LY96: variants seen among roughly 807,000 people sequenced by gnomAD.
LY96 encodes the protein lymphocyte antigen 96, also known as myeloid differentiation protein-2.
In LY96, 18 loss-of-function variants were observed where a neutral mutation model predicts 18.9. The ratio of observed to expected loss-of-function variants is 0.95; its 90% CI spans 0.66 to 1.41. LY96 has a LOEUF of 1.41. Among genes scored for constraint, LY96 ranks in the 40% most tolerant of loss-of-function variants. The pLI is 0.00. For missense variants in LY96, 175 were observed against 182.4 expected (o/e 0.96, Z 0.23); for synonymous variants, 66 against 62.6 (o/e 1.06, Z -0.26).
chr8:74,039,247 A>G, the LY96 span, among the ~76,000 whole-genome samples: 1 of 152,100 alleles, frequency 6.6e-6, no homozygotes, highest in Non-Finnish European at 1.5e-5. Context: ...CTGTAGAGTT[A>G]TTTGAGCTCC....
intron 3 of LY96, among the ~76,000 whole-genome samples, chr8:74,012,060 T>G (rs188656729): frequency 2.0e-3 from 303 of 152,244 alleles, no homozygotes; most frequent in Non-Finnish European, 3.5e-3. Flanking sequence ...AGCAAGAATA[T>G]GGAGAAAAAA....
the LY96 span, among the ~76,000 whole-genome samples, chr8:74,084,523 G>A: frequency 3.8e-4 from 58 of 152,310 alleles, no homozygotes; most frequent in African/African-American, 1.3e-3. Context: ...AGACTTCAGA[G>A]ATTGTACCCC....
chr8:74,072,780 C>T, the LY96 span, among the ~76,000 whole-genome samples: 1 of 152,090 alleles, frequency 6.6e-6, no homozygotes, highest in Non-Finnish European at 1.5e-5. Flanking sequence ...TAGGGAGGTC[C>T]TGGAAAAAGC....
chr8:74,081,144 T>TC, the LY96 span, among the ~76,000 whole-genome samples: 658 of 141,744 alleles, frequency 4.6e-3, 17 homozygotes, highest in African/African-American at 0.018. Flanking sequence ...CTTCCTTCCT[T>TC]CTTTCTTTCT....
intron 3 of LY96, among the ~76,000 whole-genome samples, chr8:74,025,572 G>A (rs540511770): frequency 6.1e-4 from 91 of 149,628 alleles, no homozygotes; most frequent in African/African-American, 2.0e-3. Context: ...GGAGAATGGC[G>A]TGAACCCAGG....
At chr8:74,049,958 C>T in the LY96 span, among the ~76,000 whole-genome samples, 2 of 152,176 alleles carry the variant, frequency 1.3e-5, no homozygotes, top group African/African-American at 4.8e-5. Context: ...TTTGAGACTG[C>T]AGTGAGCTGT....
downstream of LY96, among the ~76,000 whole-genome samples, chr8:74,033,807 G>A (rs556252801): frequency 6.6e-6 from 1 of 152,252 alleles, no homozygotes; most frequent in Admixed American, 6.5e-5. Flanking sequence ...CCAGAATTCA[G>A]AAACTGTTCA....
At chr8:74,046,974 T>C in the LY96 span, among the ~76,000 whole-genome samples, 2 of 150,644 alleles carry the variant, frequency 1.3e-5, no homozygotes, top group Non-Finnish European at 2.9e-5. Flanking sequence ...TGATCTTGGC[T>C]CATTGCAACC....
chr8:74,028,507 C>CT (rs1168738339), intron 4 of LY96, among the ~76,000 whole-genome samples: 2 of 152,006 alleles, frequency 1.3e-5, no homozygotes, highest in African/African-American at 4.8e-5. Context: ...AAATTACAGA[C>CT]TTTTTTTGTT....
At chr8:74,046,723 T>C in the LY96 span, among the ~76,000 whole-genome samples, 2 of 152,158 alleles carry the variant, frequency 1.3e-5, no homozygotes, top group African/African-American at 4.8e-5. Context: ...GCTTAAATAA[T>C]GCACCCTCTG....
intron 3 of LY96, among the ~76,000 whole-genome samples, chr8:74,022,055 G>C (rs1563719323): frequency 6.6e-6 from 1 of 151,408 alleles, no homozygotes; most frequent in African/African-American, 2.4e-5. Flanking sequence ...ATGTACCCTA[G>C]AACTTAAAGT....
chr8:74,096,833 A>T, the LY96 span, among the ~76,000 whole-genome samples: 52 of 152,276 alleles, frequency 3.4e-4, no homozygotes, highest in Admixed American at 1.7e-3. Context: ...TGATGTGAAT[A>T]CTTCTCTCTC....
the LY96 span, among the ~76,000 whole-genome samples, chr8:74,095,678 A>G: frequency 2.0e-5 from 3 of 151,596 alleles, no homozygotes; most frequent in African/African-American, 7.3e-5. Context: ...TTTCCCTCCT[A>G]CCTCTTCTGC....
At chr8:74,042,969 G>T in the LY96 span, among the ~76,000 whole-genome samples, 1 of 151,982 alleles carries the variant, frequency 6.6e-6, no homozygotes. Flanking sequence ...GTAGAGACGG[G>T]GTTCCCCATG....
chr8:74,015,361 T>C (rs1816620385), intron 3 of LY96, among the ~76,000 whole-genome samples: 1 of 152,164 alleles, frequency 6.6e-6, no homozygotes, highest in Non-Finnish European at 1.5e-5. Context: ...GAGGCCATGC[T>C]CCCTCTGTAG....
intron 3 of LY96, among the ~76,000 whole-genome samples, chr8:74,023,601 C>G (rs182355183): frequency 4.3e-4 from 66 of 152,212 alleles, no homozygotes; most frequent in African/African-American, 1.5e-3. Flanking sequence ...TGTTTCTGCA[C>G]TCACCTATGC....
the LY96 span, among the ~76,000 whole-genome samples, chr8:74,066,602 C>T: frequency 2.6e-5 from 4 of 152,102 alleles, no homozygotes; most frequent in Non-Finnish European, 5.9e-5. Flanking sequence ...AGAGTCTAGG[C>T]TTTTAAAGAC....
In LY96 at chr8:73,993,395, C is replaced by T. The variant is rs560571285; in HGVS notation, c.112+1841C>T. Among the ~76,000 whole-genome samples, 16 of 152,250 alleles carry T rather than the reference C, an allele frequency of 1.1e-4. 1 individual carries two copies. The South Asian group carries it at 3.3e-3, about 32-fold the overall frequency. ...GGCTCAAGCCATCCTCCCAGCTCAG[C>T]CTTCCAAGTAGCTGGGACTACAGGC... On this transcript the variant is annotated intron_variant, in intron 1 of 4. Coordinates refer to ENST00000284818, the MANE Select transcript of LY96 (RefSeq NM_015364.5).
chr8:74,082,066 G>T, the LY96 span, among the ~76,000 whole-genome samples: 1 of 152,164 alleles, frequency 6.6e-6, no homozygotes, highest in Non-Finnish European at 1.5e-5. Flanking sequence ...TTCAATTATA[G>T]AATATTTCCC....
Sources: gnomAD v4.1 joint callset for allele counts (sites outside exome capture counted in the v4.1 genomes callset) on GRCh38, gnomAD v4.1.1 for gene constraint, MANE v1.5 for transcripts, NCBI Gene and HGNC (gene_info 2026-07-23, HGNC 2026-07-21) for gene names.